Variants in IFT74 observed in about 807,000 individuals in gnomAD.
IFT74 encodes intraflagellar transport 74, also known as intraflagellar transport protein 74 homolog.
IFT74 carries 92 observed loss-of-function variants against 96.7 expected under a neutral mutation model. The observed-to-expected ratio is 0.95, with a 90% CI of 0.80 to 1.13. The LOEUF is 1.13. IFT74 is among the 50% of genes most tolerant of loss of function. The probability of loss-of-function intolerance (pLI) is 0.00; values close to 1 mark genes in which losing one functional copy is unlikely to be tolerated. For synonymous variants in IFT74, 223 were observed against 213.2 expected, an observed-to-expected ratio of 1.05 and a Z score of -0.40; for missense variants, 811 against 698.2, an observed-to-expected ratio of 1.16 and a Z score of -1.82.
intron 12 of IFT74, among the ~76,000 whole-genome samples, chr9:27,019,466 T>C (rs1829498520): frequency 6.6e-6 from 1 of 152,066 alleles, no homozygotes. Context: ...TATTGGTATT[T>C]GGCTTTATTT....
Position 27,062,693 on chromosome 9 carries a change from A to G in IFT74, c.1760A>G (p.Asn587Ser), listed in dbSNP as rs1752323411. ...KNVTKQIAEY[N>S]KTIVDALHST... Reference sequence around the variant, plus strand: ...GTGACCAAGCAGATTGCAGAGTACAATAAAACCATCGTGGATGCTTTACAT... The same window carrying G: ...GTGACCAAGCAGATTGCAGAGTACAGTAAAACCATCGTGGATGCTTTACAT... Residue 587 changes from asparagine to serine, a missense_variant, in exon 20 of 20, where the codon AAT becomes AGT. Coordinates refer to ENST00000380062, the MANE Select transcript of IFT74 (RefSeq NM_025103.4). 1 of 1,608,928 alleles carries G rather than the reference A, an allele frequency of 6.2e-7. No homozygotes were observed. The highest frequency in any genetic ancestry group is 1.1e-5 in the South Asian group (1 of 90,126).
chr9:27,055,751 A>C lies in IFT74; in HGVS notation c.1476A>C (p.Ser492=). 6.4e-7 allele frequency: 1 copy of C among 1,551,672 alleles called. No homozygotes were observed. Among genetic ancestry groups the C allele is most frequent in the Non-Finnish European group, 8.6e-7 (1 of 1,156,892 alleles). Reference sequence around the variant, plus strand: ...ATAATGATTTGCCAGCTTTAAAATCATCAGGTGAAGAAAAGATAAAGGTAA... The same window carrying C: ...ATAATGATTTGCCAGCTTTAAAATCCTCAGGTGAAGAAAAGATAAAGGTAA... The part of the protein sequence containing the change: ...EIYNDLPALK[S]SGEEKIKKLH... The change falls in exon 17 of 20, where the codon TCA becomes TCC. Residue 492 remains serine, a synonymous_variant. Coordinates refer to ENST00000380062, the MANE Select transcript of IFT74 (RefSeq NM_025103.4).
At chr9:27,009,375 T>A (rs1472956112) in intron 9 of IFT74, among the ~76,000 whole-genome samples, 1 of 152,208 alleles carries the variant, frequency 6.6e-6, no homozygotes, top group African/African-American at 2.4e-5. Context: ...ATGACCTAGC[T>A]TTTACTCTTA....
intron 13 of IFT74, among the ~76,000 whole-genome samples, chr9:27,030,169 G>C (rs986361345): frequency 6.6e-6 from 1 of 152,128 alleles, no homozygotes; most frequent in Admixed American, 6.5e-5. Flanking sequence ...CAGTTACTAT[G>C]CTCTTGGATT....
chr9:26,984,453 T>C, intron 5 of IFT74, 46 bp from the exon 6 acceptor site: 1 of 1,578,416 alleles, frequency 6.3e-7, no homozygotes, highest in Non-Finnish European at 8.7e-7. Context: ...TTCTTATGTA[T>C]ATTTTTATGT....
upstream of IFT74, chr9:26,955,876 C>T (rs79737665): frequency 1.3e-5 from 2 of 148,794 alleles, no homozygotes; most frequent in Non-Finnish European, 3.0e-5. Flanking sequence ...ATTGAATTCA[C>T]AGTCTTCCCC....
chr9:27,044,704 A>G (rs764041040), intron 13 of IFT74, 38 bp from the exon 14 acceptor site: 6 of 1,277,410 alleles, frequency 4.7e-6, no homozygotes, highest in Admixed American at 2.1e-5. Context: ...TGTATGTGCA[A>G]TTTTTGAAAT....
At chr9:27,023,512 C>G (rs915788084) in intron 12 of IFT74, among the ~76,000 whole-genome samples, 5 of 152,116 alleles carry the variant, frequency 3.3e-5, no homozygotes, top group African/African-American at 4.8e-5. Context: ...ATAAAACCCA[C>G]TTGATCATGG....
chr9:27,059,945 A>G (rs79777000), intron 18 of IFT74, among the ~76,000 whole-genome samples: 2,133 of 152,364 alleles, frequency 0.014, 20 homozygotes, highest in Middle Eastern at 0.031. Flanking sequence ...GAAAGACCAT[A>G]ACCAGAGTTA....
chr9:26,960,188 ACTCCTGGTTTTTTTCTTTG>A (rs1157488131), intron 1 of IFT74, among the ~76,000 whole-genome samples: 2 of 150,688 alleles, frequency 1.3e-5, no homozygotes, highest in Non-Finnish European at 3.0e-5. Flanking sequence ...TCTGACACAC[ACTCCTGGTTTTTTTCTTTG>A]CTTTCTGGGC....
intron 17 of IFT74, 39 bp downstream of exon 17, chr9:27,055,811 TTG>T: frequency 1.5e-6 from 2 of 1,355,174 alleles, no homozygotes; most frequent in East Asian, 5.4e-5. Flanking sequence ...ACAATTCAGA[TTG>T]TTTTTTTCTT....
intron 2 of IFT74, among the ~76,000 whole-genome samples, chr9:26,973,021 G>T (rs943204348): frequency 6.6e-6 from 1 of 152,154 alleles, no homozygotes; most frequent in Admixed American, 6.6e-5. Context: ...GACGTTAGGG[G>T]AGTCTGTAAA....
intron 9 of IFT74, among the ~76,000 whole-genome samples, chr9:27,009,855 A>G (rs1828967181): frequency 6.6e-6 from 1 of 152,104 alleles, no homozygotes; most frequent in Non-Finnish European, 1.5e-5. Flanking sequence ...ACAATTGTAC[A>G]TATTTATGGG....
Position 27,017,016 on chromosome 9 carries a change from C to T in IFT74, c.899C>T (p.Ser300Phe), listed in dbSNP as rs1563977798. 6.2e-7 allele frequency: 1 copy of T among 1,607,368 alleles called. No individual in the cohort carries two copies. The highest frequency in any genetic ancestry group is 1.7e-5 in the Admixed American group (1 of 58,750). ...QMIAEDKSIG[S>F]PMEEREKLLK... ...ATTGCAGAAGACAAAAGCATAGGATCTCCAATGGAAGAGAGAGAGAAATTA... is the reference window on the plus strand; with the variant it reads ...ATTGCAGAAGACAAAAGCATAGGATTTCCAATGGAAGAGAGAGAGAAATTA... Residue 300 changes from serine (S) to phenylalanine (F), a missense_variant, in exon 11 of 20, where the codon TCT (serine) becomes TTT (phenylalanine). By Grantham distance (155) the Ser-to-Phe change is radical. Coordinates refer to ENST00000380062, the MANE Select transcript of IFT74 (RefSeq NM_025103.4).
chr9:26,949,790 C>T (rs1825874670), intron 1 of IFT74, among the ~76,000 whole-genome samples: 1 of 152,110 alleles, frequency 6.6e-6, no homozygotes. Context: ...AGGGATGAAT[C>T]ACAGGTGTGT....
At chr9:26,975,342 T>C (rs1488224057) in intron 2 of IFT74, among the ~76,000 whole-genome samples, 1 of 152,190 alleles carries the variant, frequency 6.6e-6, no homozygotes, top group Non-Finnish European at 1.5e-5. Flanking sequence ...TGTTTCCTTT[T>C]GGGAGACAGG....
intron 13 of IFT74, among the ~76,000 whole-genome samples, chr9:27,036,106 T>A (rs1297810504): frequency 6.6e-6 from 1 of 152,258 alleles, no homozygotes; most frequent in Non-Finnish European, 1.5e-5. Flanking sequence ...CTATAAAGAT[T>A]TTTATTATTT....
At chr9:26,978,306 G>T (rs761268550) in intron 3 of IFT74, 43 bp downstream of exon 3, 12 of 1,587,180 alleles carry the variant, frequency 7.6e-6, no homozygotes, top group Non-Finnish European at 8.6e-6. Flanking sequence ...CCTGTGTTTT[G>T]TAAGAAATAA....
At chr9:26,999,286 A>T (rs972792206) in intron 8 of IFT74, among the ~76,000 whole-genome samples, 1 of 152,196 alleles carries the variant, frequency 6.6e-6, no homozygotes, top group African/African-American at 2.4e-5. Context: ...TTCACCAATA[A>T]TAATTCAATA....
Sources: allele counts gnomAD v4.1 joint callset (sites outside exome capture counted in the v4.1 genomes callset), GRCh38; gene constraint gnomAD v4.1.1; transcripts MANE v1.5; gene names NCBI Gene and HGNC (gene_info 2026-07-23, HGNC 2026-07-21).